PSD3: variants seen among roughly 807,000 people sequenced by gnomAD.
PSD3 encodes PH and SEC7 domain-containing protein 3.
In PSD3, 49 loss-of-function variants were observed where a neutral mutation model predicts 105.5. The observed-to-expected ratio is 0.46, with a 90% confidence interval of 0.37 to 0.59. The LOEUF is 0.59. Among genes scored for constraint, PSD3 ranks in the 20% least tolerant of loss-of-function variants. The probability of loss-of-function intolerance (pLI) is 0.00; values close to 1 mark genes in which losing one functional copy is unlikely to be tolerated. For missense variants in PSD3, 1,561 were observed against 1,263.8 expected, an observed-to-expected ratio of 1.24 and a Z score of -3.57; for synonymous variants, 557 against 457.8, an observed-to-expected ratio of 1.22 and a Z score of -2.77.
At chr8:18,954,275 G>T (rs1432622029) in intron 1 of PSD3, among the ~76,000 whole-genome samples, 1 of 152,100 alleles carries the variant, frequency 6.6e-6, no homozygotes, top group African/African-American at 2.4e-5. Context: ...AGGGGCCCAA[G>T]ATTTGGGGAG....
chr8:18,633,291 T>C (rs11991283), intron 10 of PSD3, among the ~76,000 whole-genome samples: 6,495 of 152,086 alleles, frequency 0.043, 198 homozygotes, highest in East Asian at 0.091. Flanking sequence ...TGGACAATAG[T>C]AAACAATATC....
intron 9 of PSD3, among the ~76,000 whole-genome samples, chr8:18,687,519 A>G (rs1015821214): frequency 1.3e-5 from 2 of 152,090 alleles, no homozygotes; most frequent in Non-Finnish European, 2.9e-5. Flanking sequence ...AATACAATAA[A>G]TACGAAATGA....
chr8:18,685,819 C>G (rs932515664), intron 9 of PSD3, among the ~76,000 whole-genome samples: 1 of 151,980 alleles, frequency 6.6e-6, no homozygotes, highest in Non-Finnish European at 1.5e-5. Flanking sequence ...GAGGTGGAAC[C>G]CAGTAAGAAA....
At chr8:18,617,263 G>A (rs1035582486) in intron 11 of PSD3, among the ~76,000 whole-genome samples, 5 of 151,980 alleles carry the variant, frequency 3.3e-5, no homozygotes, top group South Asian at 2.1e-4. Flanking sequence ...GGGCATGGTC[G>A]CTCATACCTG....
chr8:18,873,133 G>A (rs1047024465), intron 2 of PSD3, among the ~76,000 whole-genome samples: 4 of 152,146 alleles, frequency 2.6e-5, no homozygotes, highest in Admixed American at 6.5e-5. Context: ...ACACTAAAGA[G>A]CCCTATGATC....
intron 9 of PSD3, among the ~76,000 whole-genome samples, chr8:18,743,071 T>G (rs773904666): frequency 7.0e-4 from 106 of 152,196 alleles, no homozygotes; most frequent in Admixed American, 1.2e-3. Context: ...TAAATATTGA[T>G]AGCAGGCTTC....
chr8:18,630,087 T>C (rs548564406), intron 11 of PSD3, among the ~76,000 whole-genome samples: 1 of 151,956 alleles, frequency 6.6e-6, no homozygotes, highest in African/African-American at 2.4e-5. Flanking sequence ...TGGGCACGTC[T>C]TAACCCATCC....
At chr8:18,849,282 A>G (rs1305710279) in intron 4 of PSD3, 1 of 152,154 alleles carries the variant, frequency 6.6e-6, no homozygotes, top group East Asian at 1.9e-4. Flanking sequence ...TGATCTTCCC[A>G]CACCATCTAT....
At chr8:18,978,986 T>C (rs1239230213) in intron 1 of PSD3, among the ~76,000 whole-genome samples, 3 of 152,158 alleles carry the variant, frequency 2.0e-5, no homozygotes, top group Non-Finnish European at 4.4e-5. Flanking sequence ...GGAGTCCAGA[T>C]GCCTGTGTTC....
chr8:18,754,179 T>C (rs1357813618), intron 9 of PSD3, among the ~76,000 whole-genome samples: 1 of 151,878 alleles, frequency 6.6e-6, no homozygotes, highest in Non-Finnish European at 1.5e-5. Context: ...AGGTCAGGAG[T>C]TCCGGATCAG....
chr8:19,054,841 T>A (rs1222460916), intron 1 of PSD3, among the ~76,000 whole-genome samples: 2 of 152,192 alleles, frequency 1.3e-5, no homozygotes, highest in African/African-American at 4.8e-5. Context: ...TTAAACTAAG[T>A]CAATTAGAAA....
rs1823275105 is a variant in PSD3, at chr8:18,952,138, T to C, written c.22-15996A>G. On this transcript the variant is annotated intron_variant, in intron 1 of 15. Coordinates refer to ENST00000327040, the MANE Select transcript of PSD3 (RefSeq NM_015310.4). Reference sequence around the variant, plus strand: ...TTCTTAAATACAGAACACTGGAGAATAAATGATTCACCAAGAGGTGTCCTC... The same window carrying C: ...TTCTTAAATACAGAACACTGGAGAACAAATGATTCACCAAGAGGTGTCCTC... Among the ~76,000 whole-genome samples, 3 of 152,194 alleles carry C rather than the reference T, an allele frequency of 2.0e-5. No individual in the cohort carries two copies. The East Asian group carries it at 5.8e-4, about 29-fold the overall frequency.
chr8:18,689,586 C>G (rs546524241), intron 9 of PSD3, among the ~76,000 whole-genome samples: 7 of 152,288 alleles, frequency 4.6e-5, no homozygotes, highest in Middle Eastern at 3.4e-3. Context: ...ATTTTCAGAA[C>G]AGAATGGCGG....
intron 11 of PSD3, among the ~76,000 whole-genome samples, chr8:18,631,324 T>C (rs958866167): frequency 6.6e-5 from 10 of 152,024 alleles, no homozygotes; most frequent in East Asian, 1.9e-4. Context: ...CTTACTGTCA[T>C]TGCAAGCAAG....
intron 2 of PSD3, among the ~76,000 whole-genome samples, chr8:18,910,904 T>C (rs1820175218): frequency 6.7e-6 from 1 of 149,616 alleles, no homozygotes; most frequent in Non-Finnish European, 1.5e-5. Context: ...CTGGGTAACA[T>C]AGCAAGACTC....
At position 18,804,435 on chromosome 8, in the gene PSD3, T is replaced by A. The variant is rs538112652; in HGVS notation, c.1910+87A>T. 102 of 1,110,058 alleles carry A rather than the reference T, an allele frequency of 9.2e-5. No individual in the cohort carries two copies. In the East Asian group the frequency reaches 1.7e-3, roughly 18 times the overall value. 68.8% of individuals were successfully genotyped at this position (1,110,058 alleles called of 1,614,324 possible). On this transcript the variant is annotated intron_variant, in intron 6 of 15. Coordinates refer to ENST00000327040, the MANE Select transcript of PSD3 (RefSeq NM_015310.4). ...TACATGGAGGTTTAAAAAAAAAAAA[T>A]AAGATTCTAGCTAGAAGACATTACT... is the stretch of plus-strand genomic sequence containing the variant.
chr8:18,565,507 C>G (rs1024628619), intron 14 of PSD3, among the ~76,000 whole-genome samples: 1 of 152,082 alleles, frequency 6.6e-6, no homozygotes, highest in African/African-American at 2.4e-5. Flanking sequence ...GCATAAAAGA[C>G]AAGAATAAAT....
intron 2 of PSD3, chr8:18,886,936 C>T (rs917525275): frequency 6.6e-6 from 1 of 152,214 alleles, no homozygotes; most frequent in South Asian, 2.1e-4. Context: ...GGTAGCTTAC[C>T]GAAAACAGCC....
At chr8:18,581,688 T>A (rs2130415299) in intron 12 of PSD3, among the ~76,000 whole-genome samples, 1 of 152,338 alleles carries the variant, frequency 6.6e-6, no homozygotes, top group South Asian at 2.1e-4. Flanking sequence ...TGGTGCTTTT[T>A]CACCAGGTGA....
Sources: gnomAD v4.1 joint callset for allele counts (sites outside exome capture counted in the v4.1 genomes callset) on GRCh38, gnomAD v4.1.1 for gene constraint, MANE v1.5 for transcripts, NCBI Gene and HGNC (gene_info 2026-07-23, HGNC 2026-07-21) for gene names.